LPAR1: variants seen among roughly 807,000 people sequenced by gnomAD.
LPAR1 encodes the protein lysophosphatidic acid receptor 1.
Under a neutral mutation model 23.8 loss-of-function variants are expected in LPAR1, and 5 were observed. The observed-to-expected ratio is 0.21, with a 90% CI of 0.11 to 0.44. The LOEUF (loss-of-function observed/expected upper bound fraction) is 0.44, where lower values mean the gene tolerates loss of function less well. Among genes scored for constraint, LPAR1 ranks in the 20% least tolerant of loss-of-function variants. The pLI is 0.99. For synonymous variants in LPAR1, 160 were observed against 164.7 expected (o/e 0.97, Z 0.22); for missense variants, 311 against 482.8 (o/e 0.64, Z 3.33).
chr9:110,999,310 C>T, intron 2 of LPAR1: 1 of 442,448 alleles, frequency 2.3e-6, no homozygotes, highest in South Asian at 1.6e-5. Context: ...GAATTAAAAG[C>T]AACTGGTGTC....
chr9:110,942,090 C>T lies in LPAR1; in HGVS notation c.124G>A (p.Ala42Thr), dbSNP rs140255024. 1.9e-6 allele frequency: 3 copies of T among 1,613,922 alleles called. No individual in the cohort carries two copies. Among genetic ancestry groups the T allele is most frequent in the Non-Finnish European group, 2.5e-6 (3 of 1,179,964 alleles). ...TTGCTGACTGTGTTCCATTCTGTGG[C>T]AAGATGCTTTCCACTTCGGTTATAA... ...FFYNRSGKHL[A>T]TEWNTVSKLV... Residue 42 changes from alanine (A) to threonine (T), a missense_variant, in exon 5 of 6, where the codon GCC becomes ACC. Coordinates refer to ENST00000683809, the MANE Select transcript of LPAR1 (RefSeq NM_001351411.2).
intron 5 of LPAR1, among the ~76,000 whole-genome samples, chr9:110,910,167 C>T (rs1000263517): frequency 6.6e-6 from 1 of 152,124 alleles, no homozygotes; most frequent in Non-Finnish European, 1.5e-5. Flanking sequence ...GGCTTCTAAG[C>T]TTCAAAGGGT....
At chr9:110,882,047 A>G (rs1472773344) in intron 5 of LPAR1, among the ~76,000 whole-genome samples, 1 of 152,178 alleles carries the variant, frequency 6.6e-6, no homozygotes, top group Non-Finnish European at 1.5e-5. Flanking sequence ...CTATTTACTT[A>G]TTAAATGTCG....
intron 2 of LPAR1, among the ~76,000 whole-genome samples, chr9:111,027,913 A>C (rs2097724551): frequency 8.0e-6 from 1 of 124,976 alleles, no homozygotes; most frequent in East Asian, 2.3e-4. Flanking sequence ...AAAAAAAAAG[A>C]AGCAAGCGGA....
At chr9:110,958,840 C>A (rs2095847873) in intron 4 of LPAR1, among the ~76,000 whole-genome samples, 1 of 147,400 alleles carries the variant, frequency 6.8e-6, no homozygotes. Flanking sequence ...AAGGAAGGAA[C>A]TCAAACAAGT....
chr9:110,888,356 A>G (rs2082984718), intron 5 of LPAR1, among the ~76,000 whole-genome samples: 1 of 152,154 alleles, frequency 6.6e-6, no homozygotes, highest in Non-Finnish European at 1.5e-5. Context: ...ATTTCAGTGA[A>G]AAACCCTGTG....
chr9:111,014,570 G>T (rs899359034), intron 2 of LPAR1, among the ~76,000 whole-genome samples: 2 of 152,040 alleles, frequency 1.3e-5, no homozygotes, highest in African/African-American at 4.8e-5. Flanking sequence ...GAATGACCAG[G>T]TGTCTGCCCT....
At chr9:110,964,977 T>C (rs1472057737) in intron 4 of LPAR1, among the ~76,000 whole-genome samples, 1 of 149,860 alleles carries the variant, frequency 6.7e-6, no homozygotes, top group Non-Finnish European at 1.5e-5. Context: ...TTCAAGCAAT[T>C]CTCCTGTCTC....
chr9:111,005,615 T>C lies in LPAR1; in HGVS notation c.-182+30507A>G, dbSNP rs568570253. Among the ~76,000 whole-genome samples the C allele has an allele frequency of 2.6e-4, 39 of 148,994 alleles. 1 individual carries two copies. In the South Asian group the frequency reaches 8.2e-3, roughly 31 times the overall value. ...AGGAGGAAGCAAACTTCAGATTCCT[T>C]TGTACATTCCCCAAGACCTCCCCTG... On this transcript the variant is annotated intron_variant, in intron 2 of 5. Transcript: ENST00000683809.
intron 4 of LPAR1, among the ~76,000 whole-genome samples, chr9:110,971,850 T>C (rs1401432726): frequency 6.6e-6 from 1 of 150,904 alleles, no homozygotes; most frequent in Non-Finnish European, 1.5e-5. Context: ...CAAGGCCTCC[T>C]ATGAACAGAG....
chr9:110,940,032 A>T (rs1277886454), intron 5 of LPAR1, among the ~76,000 whole-genome samples: 3 of 152,236 alleles, frequency 2.0e-5, no homozygotes, highest in Admixed American at 6.5e-5. Flanking sequence ...GGTCCTGTTA[A>T]TAAACATACA....
intron 4 of LPAR1, among the ~76,000 whole-genome samples, chr9:110,966,813 G>A (rs17382009): frequency 0.036 from 5,486 of 152,094 alleles, 130 homozygotes; most frequent in African/African-American, 0.067. Flanking sequence ...TATAATCCTA[G>A]GTTTAAGAGA....
rs1418631270 is a variant in LPAR1, at chr9:110,996,742, C to A, written c.-181-23184G>T. 2.0e-5 allele frequency among the ~76,000 whole-genome samples: 3 copies of A among 152,288 alleles called. No homozygotes were observed. The East Asian group carries it at 5.8e-4, about 29-fold the overall frequency. ...GGCAAGGGATAAAATGTGATGTGTTCAGCCAATTGCAGAGAAGCGGCTCCA... is the reference window on the plus strand; with the variant it reads ...GGCAAGGGATAAAATGTGATGTGTTAAGCCAATTGCAGAGAAGCGGCTCCA... On this transcript the variant is annotated intron_variant, in intron 2 of 5. Transcript: ENST00000683809.
At chr9:110,909,194 C>A (rs2091970625) in intron 5 of LPAR1, among the ~76,000 whole-genome samples, 1 of 152,220 alleles carries the variant, frequency 6.6e-6, no homozygotes, top group Non-Finnish European at 1.5e-5. Flanking sequence ...GCTCCCATCT[C>A]CTCAGCTGCA....
intron 5 of LPAR1, among the ~76,000 whole-genome samples, chr9:110,920,067 C>T (rs1197555989): frequency 6.6e-6 from 1 of 152,150 alleles, no homozygotes; most frequent in Non-Finnish European, 1.5e-5. Context: ...GATCAAAACA[C>T]AGCCAAAGGC....
chr9:110,926,532 T>A (rs1381202539), intron 5 of LPAR1, among the ~76,000 whole-genome samples: 1 of 152,140 alleles, frequency 6.6e-6, no homozygotes, highest in Non-Finnish European at 1.5e-5. Context: ...GTAGATCAGG[T>A]GATTTTCAGA....
chr9:110,891,186 A>G (rs544784459), intron 5 of LPAR1, among the ~76,000 whole-genome samples: 22 of 152,340 alleles, frequency 1.4e-4, no homozygotes, highest in Non-Finnish European at 2.9e-4. Flanking sequence ...TTAGAAAAAA[A>G]TTTGTAACTC....
intron 5 of LPAR1, among the ~76,000 whole-genome samples, chr9:110,925,632 A>G (rs187530812): frequency 6.6e-6 from 1 of 152,356 alleles, no homozygotes; most frequent in African/African-American, 2.4e-5. Flanking sequence ...AAGAAGCTAG[A>G]TAACTTCAAG....
intron 2 of LPAR1, among the ~76,000 whole-genome samples, chr9:111,002,718 T>C (rs2097150559): frequency 6.6e-6 from 1 of 152,164 alleles, no homozygotes; most frequent in African/African-American, 2.4e-5. Flanking sequence ...AGAGATAGGA[T>C]TTTTCCTGCT....
Sources: gnomAD v4.1 joint callset for allele counts (sites outside exome capture counted in the v4.1 genomes callset) on GRCh38, gnomAD v4.1.1 for gene constraint, MANE v1.5 for transcripts, NCBI Gene and HGNC (gene_info 2026-07-23, HGNC 2026-07-21) for gene names.